The following CCDC136 variants were observed in gnomAD, a reference collection of about 807,000 sequenced individuals.
CCDC136 encodes the protein coiled-coil domain containing 136, also known as coiled-coil domain-containing protein 136.
Under a neutral mutation model 141.2 loss-of-function variants are expected in CCDC136, and 100 were observed. The observed-to-expected ratio is 0.71, with a 90% CI of 0.60 to 0.84. CCDC136 has a LOEUF of 0.84. Ranked by LOEUF, CCDC136 falls within the 40% of genes least tolerant of loss-of-function variation. CCDC136 has a pLI of 0.00. For missense variants in CCDC136, 1,206 were observed against 1,379.4 expected (o/e 0.87, Z 1.99); for synonymous variants, 474 against 531.9 (o/e 0.89, Z 1.50).
chr7:128,821,851 CTCTG>C lies in CCDC136; in HGVS notation c.*60_*63del. 1 of 1,290,280 alleles carries C rather than the reference CTCTG, an allele frequency of 7.8e-7. No individual in the cohort carries two copies. 79.9% of individuals were successfully genotyped at this position (1,290,280 alleles called of 1,614,324 possible). A position where few individuals can be genotyped will look rare whatever the true frequency, so the allele number is the denominator to read the frequency against. On this transcript the variant is annotated 3_prime_UTR_variant, in exon 18 of 18. Coordinates refer to ENST00000297788, the MANE Select transcript of CCDC136 (RefSeq NM_022742.5). The surrounding 1 kb of genome is among the most constrained non-coding windows in gnomAD (Gnocchi z 5.1). ...GTATTCTTGGCTATTGCAGCTGTGG[CTCTG>C]TATGTGTTACCCAACATGCGACAGC...
rs80229537 is a variant in CCDC136 at position 128,794,126 on chromosome 7, T to C, written c.17-222T>C. On this transcript the variant is annotated intron_variant, in intron 1 of 17. Coordinates refer to ENST00000297788, the MANE Select transcript of CCDC136 (RefSeq NM_022742.5). This position sits in a 1 kb window ranked among gnomAD's most constrained non-coding sequence, Gnocchi z 4.3. ...TGATAGGAGGCTACCAAGTGCAACA[T>C]TGGTCCAGGAAGGGCCTGGGAGGTG... The C allele has an allele frequency of 5.4e-3, 3,380 of 621,032 alleles. 81 individuals carry two copies. Among genetic ancestry groups the C allele is most frequent in the East Asian group, 0.047 (1,556 of 32,872 alleles). The allele number at this position is 621,032 out of a possible 1,614,324, so 38.5% of individuals were successfully genotyped here. A position where few individuals can be genotyped will look rare whatever the true frequency, so the allele number is the denominator to read the frequency against.
At chr7:128,799,336 T>C (rs901408873) in intron 3 of CCDC136, among the ~76,000 whole-genome samples, 16 of 151,970 alleles carry the variant, frequency 1.1e-4, no homozygotes, top group Non-Finnish European at 4.4e-5. Flanking sequence ...AGAACAAGAC[T>C]GTCTCAAAAA....
At chr7:128,791,958 T>TCCTC (rs1374913547), upstream of CCDC136, 2 of 929,514 alleles carry the variant, frequency 2.2e-6, no homozygotes, top group African/African-American at 3.6e-5. This position sits in a 1 kb window ranked among gnomAD's most constrained non-coding sequence, Gnocchi z 7.1. Context: ...CGCCCCCCAC[T>TCCTC]CCTCCCTCCC....
In CCDC136 at chr7:128,807,378, C is replaced by T; in HGVS notation, c.1438C>T (p.Gln480Ter). Reference protein sequence around the residue: ...SNEKDTETHAQLQEMKQLYQA... With the variant: ...SNEKDTETHA Reference sequence around the variant, plus strand: ...TGCCCAGGACACAGAGACGCACGCTCAGCTTCAGGAGATGAAGCAGCTGTA... The same window carrying T: ...TGCCCAGGACACAGAGACGCACGCTTAGCTTCAGGAGATGAAGCAGCTGTA... Residue 480 changes from glutamine (Q) to a stop codon, truncating the protein, a stop_gained, in exon 10 of 18, where the codon CAG becomes TAG. Transcript: ENST00000297788. LOFTEE classifies it high-confidence loss of function. 1 of 1,551,488 alleles carries T rather than the reference C, an allele frequency of 6.4e-7. No individual in the cohort carries two copies. The highest frequency in any genetic ancestry group is 8.7e-7 in the Non-Finnish European group (1 of 1,148,762).
At chr7:128,808,812 T>A in intron 10 of CCDC136, 1 of 985,320 alleles carries the variant, frequency 1.0e-6, no homozygotes, top group African/African-American at 1.7e-5. Context: ...GGAAAAATGA[T>A]GGGAAAGGAG....
chr7:128,808,573 C>G, intron 10 of CCDC136: 1 of 985,374 alleles, frequency 1.0e-6, no homozygotes, highest in Non-Finnish European at 1.2e-6. Context: ...AGAAGAGGCC[C>G]AAGAGTCTCT....
intron 15 of CCDC136, 126 bp downstream of exon 15, chr7:128,815,045 G>C: frequency 1.2e-6 from 1 of 801,708 alleles, no homozygotes; most frequent in Non-Finnish European, 1.9e-6. Context: ...TCTCTGAAGT[G>C]TCTACAGTGG....
Position 128,801,527 on chromosome 7 carries a change from T to C in CCDC136, c.670+18T>C. On this transcript the variant is annotated intron_variant, in intron 4 of 17. Transcript: ENST00000297788. ...GTTACAAGGTATGAGAGCCATCAAGTGGGTCAGTAAAGTCAAGCAGAGGAA... is the reference window on the plus strand; with the variant it reads ...GTTACAAGGTATGAGAGCCATCAAGCGGGTCAGTAAAGTCAAGCAGAGGAA... The C allele has an allele frequency of 6.4e-7, 1 of 1,553,146 alleles. No homozygotes were observed. The highest frequency in any genetic ancestry group is 8.8e-7 in the Non-Finnish European group (1 of 1,135,656).
chr7:128,797,862 C>T (rs1440411673), intron 3 of CCDC136, among the ~76,000 whole-genome samples: 1 of 149,054 alleles, frequency 6.7e-6, no homozygotes, highest in Admixed American at 6.7e-5. Context: ...TTCAAACGGG[C>T]GAAAAGTCAG....
In CCDC136 at chr7:128,814,637, G is replaced by A. The variant is rs766733978; in HGVS notation, c.2764-1G>A. The A allele has an allele frequency of 1.3e-6, 2 of 1,566,432 alleles. No homozygotes were observed. Among genetic ancestry groups the A allele is most frequent in the Non-Finnish European group, 1.7e-6 (2 of 1,156,430 alleles). Reference sequence around the variant, plus strand: ...GGTAACTGGCCCTCCACTACCAACAGATCAAAGAACTGCAGACCAAGCTGC... The same window carrying A: ...GGTAACTGGCCCTCCACTACCAACAAATCAAAGAACTGCAGACCAAGCTGC... On this transcript the variant is annotated splice_acceptor_variant, in intron 14 of 17. Coordinates refer to ENST00000297788, the MANE Select transcript of CCDC136 (RefSeq NM_022742.5). LOFTEE classifies it high-confidence loss of function.
At chr7:128,791,719 G>T, upstream of CCDC136, 1 of 451,530 alleles carries the variant, frequency 2.2e-6, no homozygotes, top group Non-Finnish European at 3.6e-6. This position sits in a 1 kb window ranked among gnomAD's most constrained non-coding sequence, Gnocchi z 7.1. Context: ...CATCCTTCCG[G>T]CCTGGGACTG....
At chr7:128,810,867 G>T (rs1410925096) in intron 12 of CCDC136, among the ~76,000 whole-genome samples, 2 of 152,140 alleles carry the variant, frequency 1.3e-5, no homozygotes, top group Non-Finnish European at 2.9e-5. Context: ...TAGCATATGG[G>T]GTTCTTAGTA....
chr7:128,798,699 T>C (rs1033399023), intron 3 of CCDC136, among the ~76,000 whole-genome samples: 1 of 152,174 alleles, frequency 6.6e-6, no homozygotes, highest in Non-Finnish European at 1.5e-5. Flanking sequence ...CAGCTTCCTC[T>C]TGTGTCTCCC....
At chr7:128,811,760 T>C in intron 12 of CCDC136, 40 bp from the exon 13 acceptor site, 2 of 1,523,742 alleles carry the variant, frequency 1.3e-6, no homozygotes, top group Middle Eastern at 1.8e-4. Flanking sequence ...AGGACTGAAG[T>C]GTCAGAGTAA....
intron 3 of CCDC136, among the ~76,000 whole-genome samples, chr7:128,795,565 G>T (rs1802826417): frequency 6.6e-6 from 1 of 152,038 alleles, no homozygotes; most frequent in African/African-American, 2.4e-5. Flanking sequence ...GACGGGGACA[G>T]AAAATGTAAG....
chr7:128,808,751 A>C (rs1314573269), intron 10 of CCDC136: 1 of 985,290 alleles, frequency 1.0e-6, no homozygotes, highest in African/African-American at 1.7e-5. Context: ...CTGCTACTCA[A>C]TTTAGGAGCC....
intron 4 of CCDC136, among the ~76,000 whole-genome samples, chr7:128,801,963 G>GA (rs1362855305): frequency 1.3e-5 from 2 of 152,090 alleles, no homozygotes; most frequent in African/African-American, 2.4e-5. Flanking sequence ...CCAGCTCTAG[G>GA]ATGGGCAAAG....
At chr7:128,801,760 A>C (rs923379102) in intron 4 of CCDC136, among the ~76,000 whole-genome samples, 1 of 152,202 alleles carries the variant, frequency 6.6e-6, no homozygotes, top group African/African-American at 2.4e-5. Context: ...GTGAGACCCT[A>C]TCTCTTTCTA....
intron 9 of CCDC136, 42 bp downstream of exon 9, chr7:128,806,900 A>G (rs1804939513): frequency 6.4e-7 from 1 of 1,553,230 alleles, no homozygotes. Context: ...GCCAGGCATC[A>G]TCTTGTGTGA....
Sources: gnomAD v4.1 joint callset for allele counts (sites outside exome capture counted in the v4.1 genomes callset) on GRCh38, gnomAD v4.1.1 for gene constraint, Gnocchi (gnomAD v3.1) non-coding constraint, MANE v1.5 for transcripts, NCBI Gene and HGNC (gene_info 2026-07-23, HGNC 2026-07-21) for gene names.